Variants in CIMIP6 observed in about 807,000 individuals in gnomAD.
CIMIP6 encodes ciliary microtubule inner protein 6.
chr2:54,362,764 C>G, the CIMIP6 span, among the ~76,000 whole-genome samples: 1 of 152,264 alleles, frequency 6.6e-6, no homozygotes, highest in East Asian at 1.9e-4. Flanking sequence ...CCAGGCTGTT[C>G]TCAAACTCCT....
At chr2:54,366,022 CTA>C in the CIMIP6 span, among the ~76,000 whole-genome samples, 2 of 152,106 alleles carry the variant, frequency 1.3e-5, no homozygotes, top group Non-Finnish European at 2.9e-5. Flanking sequence ...ACGAAAATGG[CTA>C]TGATAGAGAC....
At chr2:54,346,502 T>A in the CIMIP6 span, among the ~76,000 whole-genome samples, 2 of 152,202 alleles carry the variant, frequency 1.3e-5, no homozygotes, top group East Asian at 3.9e-4. Context: ...AAACCTGATA[T>A]GGCTGGAATA....
At chr2:54,380,898 G>A in the CIMIP6 span, among the ~76,000 whole-genome samples, 1 of 152,166 alleles carries the variant, frequency 6.6e-6, no homozygotes, top group Admixed American at 6.5e-5. Flanking sequence ...TTTCTGTGGC[G>A]ATATCTTTTT....
the CIMIP6 span, among the ~76,000 whole-genome samples, chr2:54,368,046 A>G: frequency 6.6e-6 from 1 of 152,188 alleles, no homozygotes; most frequent in African/African-American, 2.4e-5. Context: ...TTTCACAATC[A>G]TAAGCAAAAA....
the CIMIP6 span, among the ~76,000 whole-genome samples, chr2:54,357,557 T>C: frequency 1.3e-5 from 2 of 149,900 alleles, no homozygotes; most frequent in South Asian, 4.2e-4. Context: ...ATATGTTCGT[T>C]GTACATAAAC....
chr2:54,337,030 G>A, the CIMIP6 span, among the ~76,000 whole-genome samples: 1 of 152,202 alleles, frequency 6.6e-6, no homozygotes, highest in Non-Finnish European at 1.5e-5. Flanking sequence ...ATATGTCACA[G>A]CAAAGGTAAT....
At chr2:54,376,040 T>C in the CIMIP6 span, among the ~76,000 whole-genome samples, 1 of 152,134 alleles carries the variant, frequency 6.6e-6, no homozygotes. Flanking sequence ...TTTAACATTT[T>C]TGGTTTTGTT....
chr2:54,360,271 G>A, the CIMIP6 span: 1 of 1,612,292 alleles, frequency 6.2e-7, no homozygotes, highest in Admixed American at 1.7e-5. Context: ...AAGGAGCAGA[G>A]GTATTACTGA....
chr2:54,360,274 A>G, the CIMIP6 span: 2 of 1,612,258 alleles, frequency 1.2e-6, no homozygotes, highest in African/African-American at 1.3e-5. Flanking sequence ...GAGCAGAGGT[A>G]TTACTGAACA....
chr2:54,375,884 G>GT, the CIMIP6 span, among the ~76,000 whole-genome samples: 49,262 of 151,492 alleles, frequency 0.33, 10,009 homozygotes, highest in East Asian at 0.59. Flanking sequence ...ATCATATAGG[G>GT]GGTGTGTGTG....
At chr2:54,332,391 CT>C in the CIMIP6 span, among the ~76,000 whole-genome samples, 1 of 152,212 alleles carries the variant, frequency 6.6e-6, no homozygotes, top group Non-Finnish European at 1.5e-5. Context: ...TGTTTTGTCA[CT>C]GCTTTATCAT....
the CIMIP6 span, among the ~76,000 whole-genome samples, chr2:54,363,195 G>T: frequency 6.6e-6 from 1 of 152,066 alleles, no homozygotes; most frequent in South Asian, 2.1e-4. Flanking sequence ...TCTCTTAATT[G>T]TCTACTCTTC....
the CIMIP6 span, among the ~76,000 whole-genome samples, chr2:54,363,760 G>A: frequency 3.3e-5 from 5 of 152,144 alleles, no homozygotes; most frequent in African/African-American, 1.2e-4. Flanking sequence ...GGGAGTGGCT[G>A]TGTGTGATCA....
the CIMIP6 span, among the ~76,000 whole-genome samples, chr2:54,375,052 C>T: frequency 0.24 from 37,223 of 151,962 alleles, 4,959 homozygotes; most frequent in East Asian, 0.49. Flanking sequence ...GCTTCTTTTT[C>T]TCAAGGGTTT....
chr2:54,333,018 G>C, the CIMIP6 span, among the ~76,000 whole-genome samples: 1 of 152,172 alleles, frequency 6.6e-6, no homozygotes, highest in Non-Finnish European at 1.5e-5. Context: ...GGGTGGTTGA[G>C]GGTATTCAAA....
At chr2:54,361,769 T>C in the CIMIP6 span, among the ~76,000 whole-genome samples, 2 of 152,190 alleles carry the variant, frequency 1.3e-5, no homozygotes, top group Admixed American at 6.5e-5. Context: ...ATGCAAGTTT[T>C]GGTATGAAGA....
chr2:54,359,118 G>A, the CIMIP6 span: 1 of 1,110,980 alleles, frequency 9.0e-7, no homozygotes, highest in Non-Finnish European at 1.3e-6. Flanking sequence ...AGACAGAGTA[G>A]ATTTGTAGAA....
At chr2:54,368,073 T>C in the CIMIP6 span, among the ~76,000 whole-genome samples, 434 of 152,334 alleles carry the variant, frequency 2.8e-3, 1 homozygote, top group Non-Finnish European at 5.2e-3. Context: ...AAGAAACTTA[T>C]GACCTAACAC....
At chr2:54,336,934 C>T in the CIMIP6 span, among the ~76,000 whole-genome samples, 1 of 152,152 alleles carries the variant, frequency 6.6e-6, no homozygotes, top group East Asian at 1.9e-4. Context: ...GTGATGGGGA[C>T]TTATTTGCAG....
Sources: gnomAD v4.1 joint callset for allele counts (sites outside exome capture counted in the v4.1 genomes callset) on GRCh38, gnomAD v4.1.1 for gene constraint, MANE v1.5 for transcripts, NCBI Gene and HGNC (gene_info 2026-07-23, HGNC 2026-07-21) for gene names.